Variants in LRRTM4 observed in about 807,000 individuals in gnomAD.
The protein encoded by LRRTM4 is leucine rich repeat transmembrane neuronal 4.
Under a neutral mutation model 47.6 loss-of-function variants are expected in LRRTM4, and 25 were observed. The observed-to-expected ratio is 0.53, with a 90% CI of 0.38 to 0.73. The LOEUF (loss-of-function observed/expected upper bound fraction) is 0.73, where lower values mean the gene tolerates loss of function less well. Among genes scored for constraint, LRRTM4 ranks in the 30% least tolerant of loss-of-function variants. The probability of loss-of-function intolerance (pLI) is 0.00; values close to 1 mark genes in which losing one functional copy is unlikely to be tolerated. For synonymous variants in LRRTM4, 311 were observed against 269.5 expected, an observed-to-expected ratio of 1.15 and a Z score of -1.51; for missense variants, 638 against 713.4, an observed-to-expected ratio of 0.89 and a Z score of 1.20.
chr2:77,408,211 C>T (rs1409529231), intron 3 of LRRTM4, among the ~76,000 whole-genome samples: 3 of 152,084 alleles, frequency 2.0e-5, no homozygotes, highest in African/African-American at 7.2e-5. Flanking sequence ...TTCCTGTTTA[C>T]GTTTGTTTTT....
intron 3 of LRRTM4, among the ~76,000 whole-genome samples, chr2:76,837,181 G>T (rs137996577): frequency 0.063 from 9,634 of 152,104 alleles, 346 homozygotes; most frequent in Middle Eastern, 0.13. Context: ...AGAGGTGTTT[G>T]TAGTATTCTC....
At position 77,313,159 on chromosome 2, in the gene LRRTM4, C is replaced by T. The variant is rs544931004; in HGVS notation, c.1551+205159G>A. On this transcript the variant is annotated intron_variant, in intron 3 of 3. Coordinates refer to ENST00000409884, the MANE Select transcript of LRRTM4 (RefSeq NM_001134745.3). ...CCCTATGTTTTCCTGGGACCTGTTGCTGTGACGTGCCTCCCTATTTTTTCC... is the reference window on the plus strand; with the variant it reads ...CCCTATGTTTTCCTGGGACCTGTTGTTGTGACGTGCCTCCCTATTTTTTCC... 4.8e-5 allele frequency among the ~76,000 whole-genome samples: 7 copies of T among 146,494 alleles called. No homozygotes were observed. The South Asian group carries it at 1.5e-3, about 31-fold the overall frequency.
At chr2:77,342,639 T>C (rs1346952398) in intron 3 of LRRTM4, among the ~76,000 whole-genome samples, 1 of 151,972 alleles carries the variant, frequency 6.6e-6, no homozygotes, top group Non-Finnish European at 1.5e-5. Context: ...AAAGACAATA[T>C]ATACACAATT....
intron 3 of LRRTM4, among the ~76,000 whole-genome samples, chr2:77,033,560 C>G (rs1678734763): frequency 1.3e-5 from 2 of 151,710 alleles, no homozygotes; most frequent in East Asian, 1.9e-4. Flanking sequence ...ATTTCTAAAA[C>G]AGTATTTTAA....
At chr2:76,808,230 G>C (rs188943650) in intron 3 of LRRTM4, among the ~76,000 whole-genome samples, 26 of 149,478 alleles carry the variant, frequency 1.7e-4, no homozygotes, top group Non-Finnish European at 2.1e-4. Context: ...ATGTTGGTCA[G>C]GCTGGTCTCG....
At chr2:77,347,372 C>T (rs1671600762) in intron 3 of LRRTM4, among the ~76,000 whole-genome samples, 1 of 152,004 alleles carries the variant, frequency 6.6e-6, no homozygotes, top group Non-Finnish European at 1.5e-5. Flanking sequence ...AGCCAGGATC[C>T]TGAAAAATAC....
At chr2:77,093,287 A>G (rs920796901) in intron 3 of LRRTM4, among the ~76,000 whole-genome samples, 4 of 149,200 alleles carry the variant, frequency 2.7e-5, no homozygotes, top group African/African-American at 7.6e-5. Context: ...TGCTGGCAGG[A>G]CTATGCTGAA....
intron 3 of LRRTM4, among the ~76,000 whole-genome samples, chr2:76,960,285 T>C (rs17040494): frequency 0.053 from 8,001 of 151,812 alleles, 481 homozygotes; most frequent in East Asian, 0.14. Flanking sequence ...GATAACAGTA[T>C]ATGTATTTGC....
chr2:77,013,171 A>G (rs1290110345), intron 3 of LRRTM4, among the ~76,000 whole-genome samples: 1 of 148,512 alleles, frequency 6.7e-6, no homozygotes, highest in African/African-American at 2.4e-5. Flanking sequence ...TTTGGGCTGA[A>G]TCAGGAGGGA....
chr2:76,957,967 C>G (rs933460636), intron 3 of LRRTM4, among the ~76,000 whole-genome samples: 2 of 151,390 alleles, frequency 1.3e-5, no homozygotes, highest in African/African-American at 4.8e-5. Flanking sequence ...TAATTTTAAT[C>G]AACATAAAGT....
intron 3 of LRRTM4, among the ~76,000 whole-genome samples, chr2:76,956,936 G>C (rs1238950914): frequency 6.6e-6 from 1 of 151,270 alleles, no homozygotes; most frequent in African/African-American, 2.4e-5. Context: ...AGTTGAATAA[G>C]TGATCAAAAA....
Position 77,381,641 on chromosome 2 carries a change from T to C in LRRTM4, c.1551+136677A>G, listed in dbSNP as rs185071551. Among the ~76,000 whole-genome samples the C allele has an allele frequency of 1.6e-3, 250 of 152,174 alleles. 1 individual carries two copies. Among genetic ancestry groups the C allele is most frequent in the Middle Eastern group, 3.4e-3 (1 of 294 alleles). On this transcript the variant is annotated intron_variant, in intron 3 of 3. Transcript: ENST00000409884. ...TTTTAAAAAGTATTAATACCTACTA[T>C]AGATAATGAGAATTTGGAAAAATAA...
intron 3 of LRRTM4, among the ~76,000 whole-genome samples, chr2:76,780,109 C>T (rs995720693): frequency 1.3e-4 from 20 of 152,142 alleles, no homozygotes; most frequent in African/African-American, 4.3e-4. Flanking sequence ...TTCTGGCTTG[C>T]AGGGTTTCTG....
At chr2:76,788,847 A>T (rs1257719741) in intron 3 of LRRTM4, among the ~76,000 whole-genome samples, 1 of 150,262 alleles carries the variant, frequency 6.7e-6, no homozygotes, top group African/African-American at 2.4e-5. Flanking sequence ...GATAATAATG[A>T]TAAATGTTTT....
intron 3 of LRRTM4, among the ~76,000 whole-genome samples, chr2:76,908,446 C>CCT (rs1414440936): frequency 6.6e-6 from 1 of 150,818 alleles, no homozygotes; most frequent in Non-Finnish European, 1.5e-5. Flanking sequence ...ACAGGGATGC[C>CCT]CTCTCTCACC....
At chr2:76,855,749 A>T (rs17013248) in intron 3 of LRRTM4, among the ~76,000 whole-genome samples, 11 of 152,032 alleles carry the variant, frequency 7.2e-5, no homozygotes, top group Non-Finnish European at 1.5e-4. Flanking sequence ...TCCTGTAGGC[A>T]TATTTCTGTA....
intron 3 of LRRTM4, among the ~76,000 whole-genome samples, chr2:77,254,485 A>G (rs1171814455): frequency 6.6e-6 from 1 of 151,972 alleles, no homozygotes; most frequent in Non-Finnish European, 1.5e-5. Context: ...TTGGAATATT[A>G]AGAAGGAAGG....
Position 77,518,650 on chromosome 2 carries a change from C to T in LRRTM4, c.1219G>A (p.Gly407Arg). The T allele has an allele frequency of 1.9e-6, 3 of 1,613,390 alleles. No homozygotes were observed. Among genetic ancestry groups the T allele is most frequent in the Non-Finnish European group, 2.5e-6 (3 of 1,179,622 alleles). The change falls in exon 3 of 4, where the codon GGG (glycine) becomes AGG (arginine). Residue 407 changes from glycine to arginine, a missense_variant. Gly to Arg is a moderately radical substitution (Grantham distance 125, BLOSUM62 -2). Coordinates refer to ENST00000409884, the MANE Select transcript of LRRTM4 (RefSeq NM_001134745.3). ...TGCTCTGCGCCAGGAATCTGAAACC[C>T]TGGGGAAGGGCTTGGTGTTTCAAAG... ...STFETPSPSP[G>R]FQIPGAEQEY...
intron 3 of LRRTM4, among the ~76,000 whole-genome samples, chr2:76,820,033 C>T (rs1253775042): frequency 6.6e-6 from 1 of 151,938 alleles, no homozygotes; most frequent in Non-Finnish European, 1.5e-5. Context: ...TATCCACCCC[C>T]AGTTCTCTTT....
Sources: allele counts gnomAD v4.1 joint callset (sites outside exome capture counted in the v4.1 genomes callset), GRCh38; gene constraint gnomAD v4.1.1; transcripts MANE v1.5; gene names NCBI Gene and HGNC (gene_info 2026-07-23, HGNC 2026-07-21).